The following ZNF618 variants were observed in gnomAD, a reference collection of about 807,000 sequenced individuals.
ZNF618 encodes zinc finger protein 618.
In ZNF618, 34 loss-of-function variants were observed where a neutral mutation model predicts 103.0. The ratio of observed to expected loss-of-function variants is 0.33; its 90% CI spans 0.25 to 0.44. ZNF618 has a LOEUF of 0.44. ZNF618 is among the 20% of genes least tolerant of loss of function. The probability of loss-of-function intolerance (pLI) is 1.00; values close to 1 mark genes in which losing one functional copy is unlikely to be tolerated. For missense variants in ZNF618, 1,059 were observed against 1,295.4 expected, an observed-to-expected ratio of 0.82 and a Z score of 2.80; for synonymous variants, 551 against 542.2, an observed-to-expected ratio of 1.02 and a Z score of -0.23.
chr9:113,876,452 C>G, intron 1 of ZNF618, 39 bp downstream of exon 1: 1 of 1,190,294 alleles, frequency 8.4e-7, no homozygotes, highest in East Asian at 3.5e-5. Flanking sequence ...GCGCGGGGGA[C>G]CCCGGGGGGC....
intron 7 of ZNF618, 75 bp downstream of exon 7, chr9:114,007,514 C>T (rs1007049081): frequency 5.0e-6 from 7 of 1,408,526 alleles, no homozygotes; most frequent in South Asian, 2.5e-5. Context: ...CCCAGCCCTC[C>T]CCGCCTCCCT....
chr9:114,030,840 G>T (rs1588405582), intron 11 of ZNF618: 1 of 152,222 alleles, frequency 6.6e-6, no homozygotes, highest in Non-Finnish European at 1.5e-5. Flanking sequence ...TATTCAAAAT[G>T]TGCATTATCA....
intron 10 of ZNF618, among the ~76,000 whole-genome samples, chr9:114,022,073 T>A (rs1335313233): frequency 6.6e-6 from 1 of 152,128 alleles, no homozygotes; most frequent in Middle Eastern, 3.2e-3. Context: ...TGTACAAGCC[T>A]TTGTAAGGAA....
At position 114,050,302 on chromosome 9, in the gene ZNF618, A is replaced by C. The variant is rs1453025700; in HGVS notation, c.*135A>C. The C allele has an allele frequency of 8.8e-7, 1 of 1,135,718 alleles. No individual in the cohort carries two copies. The highest frequency in any genetic ancestry group is 1.2e-6 in the Non-Finnish European group (1 of 819,240). 70.4% of individuals were successfully genotyped at this position (1,135,718 alleles called of 1,614,324 possible). ...ATTATAAATGCCCCCTGGAAACTTA[A>C]GTGCTTTTTTTATATGTGTGTGTGT... On this transcript the variant is annotated 3_prime_UTR_variant, in exon 15 of 15. Coordinates refer to ENST00000374126, the MANE Select transcript of ZNF618 (RefSeq NM_001318042.2).
At chr9:114,018,517 A>G (rs1842821714) in intron 10 of ZNF618, among the ~76,000 whole-genome samples, 2 of 152,236 alleles carry the variant, frequency 1.3e-5, no homozygotes, top group South Asian at 4.1e-4. Flanking sequence ...GCTTCCTGGG[A>G]CAAGTTGAGT....
At chr9:114,045,505 C>A (rs1385837693) in intron 13 of ZNF618, among the ~76,000 whole-genome samples, 1 of 151,932 alleles carries the variant, frequency 6.6e-6, no homozygotes, top group Non-Finnish European at 1.5e-5. Context: ...GTCCTGATAA[C>A]CTTGTCAAAA....
chr9:113,922,477 G>GTTT (rs71367740), intron 1 of ZNF618, among the ~76,000 whole-genome samples: 4 of 132,976 alleles, frequency 3.0e-5, no homozygotes, highest in Non-Finnish European at 3.2e-5. Context: ...GTTTTGGTTT[G>GTTT]TTTTTTTTTT....
rs1396497970 is a variant in ZNF618, at chr9:114,049,035, G to A, written c.1733G>A (p.Ser578Asn). Residue 578 changes from serine (S) to asparagine (N), a missense_variant, in exon 15 of 15, where the codon AGC becomes AAC. This residue lies in a region of ZNF618 where 272 missense variants were observed against 380.1 expected (regional missense o/e 0.72). Transcript: ENST00000374126. The part of the protein sequence containing the change: ...AYQAEGNHIK[S>N]YVLGVKGADI... ...CAGGCCGAGGGCAACCACATCAAGA[G>A]CTATGTGCTTGGTGTGAAGGGTGCG... 2 of 1,613,720 alleles carry A rather than the reference G, an allele frequency of 1.2e-6. No homozygotes were observed. Among genetic ancestry groups the A allele is most frequent in the Admixed American group, 1.7e-5 (1 of 60,032 alleles).
chr9:113,937,118 T>G (rs561620668), intron 1 of ZNF618, among the ~76,000 whole-genome samples: 1 of 152,216 alleles, frequency 6.6e-6, no homozygotes, highest in Non-Finnish European at 1.5e-5. Flanking sequence ...AGAATTTACA[T>G]TTTCCTTTTG....
At chr9:113,933,711 T>G (rs560944113) in intron 1 of ZNF618, among the ~76,000 whole-genome samples, 2 of 152,164 alleles carry the variant, frequency 1.3e-5, no homozygotes, top group South Asian at 4.2e-4. Context: ...TCTTCCAGTG[T>G]GGGGTAGGCA....
intron 1 of ZNF618, among the ~76,000 whole-genome samples, chr9:113,911,779 C>A (rs1490640517): frequency 6.6e-6 from 1 of 152,090 alleles, no homozygotes; most frequent in Non-Finnish European, 1.5e-5. Context: ...GTGGCTGTAC[C>A]CTCGACAGCC....
intron 1 of ZNF618, among the ~76,000 whole-genome samples, chr9:113,919,155 T>C (rs977306346): frequency 6.6e-6 from 1 of 151,466 alleles, no homozygotes; most frequent in African/African-American, 2.4e-5. Flanking sequence ...GAGCCAAGAG[T>C]GTGAGCAGCC....
intron 10 of ZNF618, among the ~76,000 whole-genome samples, chr9:114,023,594 A>G (rs892601812): frequency 6.6e-6 from 1 of 152,110 alleles, no homozygotes; most frequent in Non-Finnish European, 1.5e-5. Context: ...TCTGAATTCC[A>G]TCAATTATCA....
intron 11 of ZNF618, among the ~76,000 whole-genome samples, chr9:114,031,545 G>A (rs1249325822): frequency 6.6e-6 from 1 of 152,230 alleles, no homozygotes; most frequent in Admixed American, 6.5e-5. Flanking sequence ...TTCCGGAGCA[G>A]GGTGGACCAG....
intron 1 of ZNF618, among the ~76,000 whole-genome samples, chr9:113,932,953 A>T (rs1263170459): frequency 6.6e-6 from 1 of 152,182 alleles, no homozygotes; most frequent in African/African-American, 2.4e-5. Flanking sequence ...TTGACAGCTC[A>T]CCTAGGGAAT....
chr9:114,039,592 C>A (rs1477880923), intron 13 of ZNF618, among the ~76,000 whole-genome samples: 1 of 152,122 alleles, frequency 6.6e-6, no homozygotes, highest in Admixed American at 6.5e-5. Context: ...CTCAAGTGAT[C>A]CGCCCACCTC....
At chr9:114,010,225 C>T (rs1277757505) in intron 9 of ZNF618, among the ~76,000 whole-genome samples, 3 of 151,156 alleles carry the variant, frequency 2.0e-5, no homozygotes, top group South Asian at 2.1e-4. Flanking sequence ...CACTTGAACC[C>T]GGGAGGTGGA....
intron 1 of ZNF618, among the ~76,000 whole-genome samples, chr9:113,918,752 C>G (rs1432328617): frequency 6.6e-6 from 1 of 152,140 alleles, no homozygotes; most frequent in Non-Finnish European, 1.5e-5. Context: ...ATTCTTTGAG[C>G]ATTTCTTACT....
chr9:114,032,782 TC>T lies in ZNF618; in HGVS notation c.1168+60del, dbSNP rs954153857. The T allele has an allele frequency of 3.3e-5, 50 of 1,521,850 alleles. No individual in the cohort carries two copies. The African/African-American group carries it at 4.5e-4, about 14-fold the overall frequency. The allele number at this position is 1,521,850 out of a possible 1,614,324, so 94.3% of individuals were successfully genotyped here. ...TGCGGTAGCTGCCAGCTTCGCCCGCTCCCCCCTGGCAGCCGCGGCAGCATCC... is the reference window on the plus strand; with the variant it reads ...TGCGGTAGCTGCCAGCTTCGCCCGCTCCCCCTGGCAGCCGCGGCAGCATCC... On this transcript the variant is annotated intron_variant, in intron 12 of 14. Coordinates refer to ENST00000374126, the MANE Select transcript of ZNF618 (RefSeq NM_001318042.2).
Sources: allele counts gnomAD v4.1 joint callset (sites outside exome capture counted in the v4.1 genomes callset), GRCh38; gene constraint gnomAD v4.1.1; regional missense constraint gnomAD v4.1.1; transcripts MANE v1.5; gene names NCBI Gene and HGNC (gene_info 2026-07-23, HGNC 2026-07-21).